Variants in GATAD2A observed in about 807,000 individuals in gnomAD.
GATAD2A encodes transcriptional repressor p66-alpha.
In GATAD2A, 12 loss-of-function variants were observed where a neutral mutation model predicts 68.5. That is an observed-to-expected ratio of 0.18 (90% CI 0.11 to 0.28). GATAD2A has a LOEUF of 0.28. Ranked by LOEUF, GATAD2A falls within the 10% of genes least tolerant of loss-of-function variation. GATAD2A has a pLI of 1.00. For missense variants in GATAD2A, 755 were observed against 868.5 expected (o/e 0.87, Z 1.64); for synonymous variants, 410 against 375.3 (o/e 1.09, Z -1.07).
chr19:19,487,750 C>G (rs1268292052), intron 2 of GATAD2A, among the ~76,000 whole-genome samples: 1 of 152,092 alleles, frequency 6.6e-6, no homozygotes, highest in Non-Finnish European at 1.5e-5. Flanking sequence ...CCCAGGAGGG[C>G]GGGGGATGTT....
chr19:19,456,631 G>C (rs1250039116), intron 1 of GATAD2A, among the ~76,000 whole-genome samples: 1 of 152,184 alleles, frequency 6.6e-6, no homozygotes, highest in African/African-American at 2.4e-5. Flanking sequence ...TGCCTCTGTT[G>C]CGCTACAGCA....
chr19:19,412,514 C>T (rs2051083369), intron 1 of GATAD2A, among the ~76,000 whole-genome samples: 1 of 151,616 alleles, frequency 6.6e-6, no homozygotes, highest in African/African-American at 2.4e-5. Context: ...CATCTGTAGG[C>T]CCTGCTACTT....
intron 8 of GATAD2A, 60 bp downstream of exon 8, chr19:19,498,782 G>A (rs974027806): frequency 8.3e-6 from 12 of 1,445,700 alleles, no homozygotes; most frequent in African/African-American, 2.8e-5. Flanking sequence ...GTGCTGCCCC[G>A]TGGGTTCTTT....
chr19:19,435,751 G>C (rs2054268822), intron 1 of GATAD2A, among the ~76,000 whole-genome samples: 1 of 152,200 alleles, frequency 6.6e-6, no homozygotes, highest in Non-Finnish European at 1.5e-5. Flanking sequence ...TCGAGAGGCT[G>C]AGGCAGGAGA....
Position 19,495,832 on chromosome 19 carries a change from G to T in GATAD2A, c.703G>T (p.Gly235Trp), listed in dbSNP as rs1372182425. ...TGGGCAGCAGGCGTCCTCGAAGCTG[G>T]GGCCACAGGCGAGCTCACAGGTCGT... ...RGGQQASSKL[G>W]PQASSQVVMP... is the part of the protein sequence containing the mutation. Residue 235 changes from glycine (G) to tryptophan (W), a missense_variant, in exon 6 of 12, where the codon GGG becomes TGG. Coordinates refer to ENST00000683918, the MANE Select transcript of GATAD2A (RefSeq NM_001384528.1). 1 of 1,613,584 alleles carries T rather than the reference G, an allele frequency of 6.2e-7. No homozygotes were observed. The highest frequency in any genetic ancestry group is 8.5e-7 in the Non-Finnish European group (1 of 1,179,888).
At chr19:19,430,976 GGTGTGTGTGTGTGTGTGT>G (rs71170687) in intron 1 of GATAD2A, among the ~76,000 whole-genome samples, 34 of 136,778 alleles carry the variant, frequency 2.5e-4, no homozygotes, top group African/African-American at 7.8e-4. Context: ...GTATGGTAGG[GGTGTGTGTGTGTGTGTGT>G]GTGTGTGTGT....
chr19:19,412,591 C>T (rs1288241725), intron 1 of GATAD2A, among the ~76,000 whole-genome samples: 2 of 151,960 alleles, frequency 1.3e-5, no homozygotes, highest in Non-Finnish European at 2.9e-5. Context: ...GAGATCATGC[C>T]ATTGCACTCC....
At chr19:19,404,227 T>C (rs1196549244), upstream of GATAD2A, among the ~76,000 whole-genome samples, 2 of 151,858 alleles carry the variant, frequency 1.3e-5, no homozygotes, top group African/African-American at 4.8e-5. Context: ...TTTTTTGAAC[T>C]CTGTTTAAGG....
intron 2 of GATAD2A, among the ~76,000 whole-genome samples, chr19:19,486,312 T>C (rs1049680824): frequency 3.3e-5 from 5 of 152,248 alleles, no homozygotes; most frequent in African/African-American, 1.2e-4. Context: ...GCTGCCCTTA[T>C]CTTCCCAGTG....
Position 19,465,399 on chromosome 19 carries a change from C to T in GATAD2A, c.54C>T (p.Asp18=), listed in dbSNP as rs982020349. ...GTCAGAAACGAGCGCTTGAACGGGA[C>T]CCAACAGAGGACGATGTGGAGAGCA... ...TRSQKRALER[D]PTEDDVESKK... The change falls in exon 2 of 12, where the codon GAC becomes GAT. Residue 18 remains aspartate, a synonymous_variant. Transcript: ENST00000683918. 1 of 1,613,876 alleles carries T rather than the reference C, an allele frequency of 6.2e-7. No homozygotes were observed. Among genetic ancestry groups the T allele is most frequent in the Non-Finnish European group, 8.5e-7 (1 of 1,179,776 alleles).
intron 1 of GATAD2A, among the ~76,000 whole-genome samples, chr19:19,430,553 T>C (rs1042489530): frequency 6.6e-6 from 1 of 152,168 alleles, no homozygotes; most frequent in Non-Finnish European, 1.5e-5. Flanking sequence ...GCAGAACTAG[T>C]TGAAAAATTC....
intron 2 of GATAD2A, among the ~76,000 whole-genome samples, chr19:19,473,774 TAAAAA>T (rs1192789940): frequency 1.1e-4 from 13 of 123,382 alleles, no homozygotes; most frequent in African/African-American, 3.6e-4. Flanking sequence ...CGTCTCTACT[TAAAAA>T]AAAAAAAAAA....
chr19:19,438,544 G>C (rs1462046142), intron 1 of GATAD2A, among the ~76,000 whole-genome samples: 5 of 152,212 alleles, frequency 3.3e-5, no homozygotes, highest in Non-Finnish European at 5.9e-5. Context: ...CCCCAGGCTG[G>C]GTACCCACCC....
At chr19:19,493,078 C>T (rs2059912575) in intron 4 of GATAD2A, among the ~76,000 whole-genome samples, 1 of 152,026 alleles carries the variant, frequency 6.6e-6, no homozygotes, top group Non-Finnish European at 1.5e-5. Context: ...GTAGCTGGGA[C>T]TACAGGCGCG....
rs1568310454 is a variant in GATAD2A, at chr19:19,465,381, A to G, written c.36A>G (p.Lys12=). Residue 12 remains lysine (K), a synonymous_variant, in exon 2 of 12, where the codon AAA becomes AAG. Coordinates refer to ENST00000683918, the MANE Select transcript of GATAD2A (RefSeq NM_001384528.1). ...AAGCATGCCGAACACGGAGTCAGAA[A>G]CGAGCGCTTGAACGGGACCCAACAG... ...TEEACRTRSQ[K]RALERDPTED... is the part of the protein sequence containing the mutation. 2.5e-6 allele frequency: 4 copies of G among 1,614,024 alleles called. No individual in the cohort carries two copies. Among genetic ancestry groups the G allele is most frequent in the East Asian group, 2.2e-5 (1 of 44,884 alleles).
intron 1 of GATAD2A, among the ~76,000 whole-genome samples, chr19:19,390,216 T>C (rs1246036394): frequency 6.6e-6 from 1 of 152,128 alleles, no homozygotes; most frequent in Non-Finnish European, 1.5e-5. Flanking sequence ...TGGCATGTTA[T>C]TAAATATTCG....
intron 2 of GATAD2A, among the ~76,000 whole-genome samples, chr19:19,488,160 A>T (rs2059564018): frequency 6.6e-6 from 1 of 152,180 alleles, no homozygotes; most frequent in Non-Finnish European, 1.5e-5. Flanking sequence ...GTTCCGGAGA[A>T]GCTGCCCTGC....
chr19:19,501,934 C>G, intron 9 of GATAD2A, 35 bp from the exon 10 acceptor site: 3 of 1,567,528 alleles, frequency 1.9e-6, no homozygotes, highest in Admixed American at 3.3e-5. Flanking sequence ...GCCAGCGGAC[C>G]GCACTGACTT....
At chr19:19,482,119 A>T (rs551693395) in intron 2 of GATAD2A, among the ~76,000 whole-genome samples, 1 of 151,390 alleles carries the variant, frequency 6.6e-6, no homozygotes, top group East Asian at 2.0e-4. Context: ...AAAAAATAAA[A>T]TATGACCGAG....
Sources: gnomAD v4.1 joint callset for allele counts (sites outside exome capture counted in the v4.1 genomes callset) on GRCh38, gnomAD v4.1.1 for gene constraint, MANE v1.5 for transcripts, NCBI Gene and HGNC (gene_info 2026-07-23, HGNC 2026-07-21) for gene names.